The following LTF variants were observed in gnomAD, a reference collection of about 807,000 sequenced individuals.
LTF encodes the protein epididymis luminal protein 110.
A neutral mutation model predicts 87.2 loss-of-function variants in LTF; 91 were observed. The observed-to-expected ratio is 1.04, with a 90% CI of 0.88 to 1.24. The LOEUF is 1.24. Among genes scored for constraint, LTF ranks in the 50% most tolerant of loss-of-function variants. The pLI is 0.00. For synonymous variants in LTF, 378 were observed against 356.1 expected (o/e 1.06, Z -0.69); for missense variants, 901 against 904.3 (o/e 1.00, Z 0.05).
chr3:46,437,986 TG>T lies in LTF; in HGVS notation c.2051del (p.Pro684HisfsTer10), dbSNP rs1297251863. ...GKTTYEKYLGPQYVAGITNLK... is the reference protein window; with the variant it reads ...GKTTYEKYLGXQYVAGITNLK... ...GATTAGTAATGCCTGCGACATACTGTGGTCCCAAATATTTTTCATATGTTGT... is the reference window on the plus strand; with the variant it reads ...GATTAGTAATGCCTGCGACATACTGTGTCCCAAATATTTTTCATATGTTGT... On this transcript the variant is annotated frameshift_variant, in exon 16 of 17. Coordinates refer to ENST00000231751, the MANE Select transcript of LTF (RefSeq NM_002343.6). LOFTEE classifies it low-confidence loss of function (END_TRUNC). 3.1e-6 allele frequency: 5 copies of T among 1,614,118 alleles called. No homozygotes were observed. The highest frequency in any genetic ancestry group is 3.4e-6 in the Non-Finnish European group (4 of 1,180,018).
intron 1 of LTF, among the ~76,000 whole-genome samples, chr3:46,472,379 A>G (rs771248810): frequency 2.0e-5 from 3 of 152,046 alleles, no homozygotes; most frequent in Non-Finnish European, 2.9e-5. Context: ...GAGCAGAGAC[A>G]GGGAGCAAGA....
At chr3:46,479,146 C>A (rs752438086) in intron 1 of LTF, among the ~76,000 whole-genome samples, 1 of 152,230 alleles carries the variant, frequency 6.6e-6, no homozygotes, top group African/African-American at 2.4e-5. Context: ...GAGAACCACG[C>A]CTGTGCCCAA....
Position 46,441,410 on chromosome 3 carries a change from A to G in LTF, c.1723+6T>C. On this transcript the variant is annotated splice_donor_region_variant and intron_variant, in intron 14 of 16. Coordinates refer to ENST00000231751, the MANE Select transcript of LTF (RefSeq NM_002343.6). ...TTGAAGGAGAAAAGGAAACACCTTC[A>G]CCTACCATCAGTGTTCTGCAAGACA... The G allele has an allele frequency of 6.2e-7, 1 of 1,610,178 alleles. No homozygotes were observed. Among genetic ancestry groups the G allele is most frequent in the South Asian group, 1.1e-5 (1 of 90,232 alleles).
chr3:46,443,333 C>T lies in LTF; in HGVS notation c.1655+108G>A. 3.0e-6 allele frequency: 4 copies of T among 1,352,868 alleles called. No homozygotes were observed. In the South Asian group the frequency reaches 3.9e-5, roughly 13 times the overall value. The allele number at this position is 1,352,868 out of a possible 1,614,324, so 83.8% of individuals were successfully genotyped here. ...ACCCATGAGCTGACCCACAGGATGA[C>T]CCCCACTCTGCTGTGACAGGTCACA... On this transcript the variant is annotated intron_variant, in intron 13 of 16. Transcript: ENST00000231751.
chr3:46,447,777 G>C (rs987549796), intron 9 of LTF, among the ~76,000 whole-genome samples: 1 of 152,046 alleles, frequency 6.6e-6, no homozygotes, highest in East Asian at 1.9e-4. Context: ...CACTCCAAGC[G>C]CTACACAGAA....
chr3:46,476,688 C>T (rs1703363176), intron 1 of LTF, among the ~76,000 whole-genome samples: 2 of 152,230 alleles, frequency 1.3e-5, no homozygotes, highest in Non-Finnish European at 2.9e-5. Context: ...CACAAAAACT[C>T]TATACATGCC....
intron 1 of LTF, among the ~76,000 whole-genome samples, chr3:46,474,114 A>G (rs1703327680): frequency 6.6e-6 from 1 of 152,274 alleles, no homozygotes; most frequent in Admixed American, 6.5e-5. Flanking sequence ...TAACATATCA[A>G]TAATTACATA....
At position 46,455,384 on chromosome 3, in the gene LTF, G is replaced by A; in HGVS notation, c.558C>T (p.Pro186=). ...CVPGADKGQF[P]NLCRLCAGTG... ...TCCCCGCACACAGGCGACACAGGTT[G>A]GGGAACTGTCCTTTATCTGCACCGG... The change falls in exon 5 of 17, where the codon CCC becomes CCT. Residue 186 remains proline, a synonymous_variant. Coordinates refer to ENST00000231751, the MANE Select transcript of LTF (RefSeq NM_002343.6). The A allele has an allele frequency of 6.2e-7, 1 of 1,614,236 alleles. No homozygotes were observed. The highest frequency in any genetic ancestry group is 8.5e-7 in the Non-Finnish European group (1 of 1,180,024).
chr3:46,452,464 G>A (rs576199908), intron 6 of LTF, among the ~76,000 whole-genome samples: 6 of 152,240 alleles, frequency 3.9e-5, no homozygotes, highest in South Asian at 4.2e-4. Flanking sequence ...AGTACAATTC[G>A]AATCAAAATT....
At chr3:46,443,723 A>G (rs1575308145) in intron 12 of LTF, 141 bp from the exon 13 acceptor site, 2 of 774,900 alleles carry the variant, frequency 2.6e-6, no homozygotes, top group East Asian at 4.9e-5. Context: ...TCACCATCAC[A>G]AAGCAACATG....
At chr3:46,471,947 G>A (rs1233533571) in intron 1 of LTF, among the ~76,000 whole-genome samples, 3 of 152,174 alleles carry the variant, frequency 2.0e-5, no homozygotes, top group African/African-American at 4.8e-5. Flanking sequence ...CTTTAAGGCC[G>A]AGATGCTGTC....
chr3:46,477,297 C>T (rs1398365285), intron 1 of LTF, among the ~76,000 whole-genome samples: 4 of 152,238 alleles, frequency 2.6e-5, no homozygotes, highest in Non-Finnish European at 5.9e-5. Flanking sequence ...TTTCCCTCCA[C>T]TTGCCTCTGT....
intron 13 of LTF, among the ~76,000 whole-genome samples, chr3:46,443,008 C>A (rs6441992): frequency 0.35 from 53,231 of 152,020 alleles, 9,809 homozygotes; most frequent in East Asian, 0.67. Flanking sequence ...ATCTCTTTGC[C>A]ATTTCTAAGG....
At chr3:46,460,689 T>C in intron 1 of LTF, 1 of 427,380 alleles carries the variant, frequency 2.3e-6, no homozygotes, top group South Asian at 1.7e-5. Flanking sequence ...TCAACTCTTC[T>C]ATTCAACAGT....
intron 1 of LTF, among the ~76,000 whole-genome samples, chr3:46,463,885 A>C (rs1446509805): frequency 3.1e-4 from 47 of 152,220 alleles, no homozygotes; most frequent in Admixed American, 3.1e-3. Flanking sequence ...GGCAGGGACA[A>C]GGATGGGTTT....
At chr3:46,453,115 G>A (rs1351718066) in intron 6 of LTF, among the ~76,000 whole-genome samples, 1 of 152,140 alleles carries the variant, frequency 6.6e-6, no homozygotes, top group African/African-American at 2.4e-5. Context: ...TTCTGTCCTT[G>A]AATCAAAATC....
At chr3:46,480,221 C>T (rs970273051) in intron 1 of LTF, among the ~76,000 whole-genome samples, 5 of 152,158 alleles carry the variant, frequency 3.3e-5, no homozygotes, top group African/African-American at 1.2e-4. Context: ...AATTTTTGGA[C>T]CATGGGCTCA....
chr3:46,476,513 A>G (rs6414428), intron 1 of LTF, among the ~76,000 whole-genome samples: 126,865 of 152,228 alleles, frequency 0.83, 53,434 homozygotes, highest in East Asian at 0.99. Context: ...TCTGTAAATG[A>G]CAATATTTGT....
intron 7 of LTF, among the ~76,000 whole-genome samples, 158 bp from the exon 8 acceptor site, chr3:46,450,186 G>A (rs1310920981): frequency 6.6e-6 from 1 of 152,162 alleles, no homozygotes; most frequent in East Asian, 1.9e-4. Flanking sequence ...CCATCTCGGA[G>A]ACCCAAGCTC....
Sources: allele counts gnomAD v4.1 joint callset (sites outside exome capture counted in the v4.1 genomes callset), GRCh38; gene constraint gnomAD v4.1.1; transcripts MANE v1.5; gene names NCBI Gene and HGNC (gene_info 2026-07-23, HGNC 2026-07-21).